Variants in SCN8A observed in about 807,000 individuals in gnomAD.
SCN8A encodes the protein sodium voltage-gated channel alpha subunit 8, also known as sodium channel protein type 8 subunit alpha.
A neutral mutation model predicts 184.1 loss-of-function variants in SCN8A; 30 were observed. The observed-to-expected ratio is 0.16, with a 90% CI of 0.12 to 0.22. The LOEUF is 0.22. Ranked by LOEUF, SCN8A falls within the 10% of genes least tolerant of loss-of-function variation. SCN8A has a pLI of 1.00. For synonymous variants in SCN8A, 852 were observed against 907.0 expected, an observed-to-expected ratio of 0.94 and a Z score of 1.09; for missense variants, 1,057 against 2,498.9, an observed-to-expected ratio of 0.42 and a Z score of 12.30.
In SCN8A at chr12:51,808,063, T is replaced by G. The variant is rs1231304109; in HGVS notation, c.*634T>G. The G allele has an allele frequency of 6.0e-6, 1 of 166,626 alleles. No homozygotes were observed. Among genetic ancestry groups the G allele is most frequent in the Non-Finnish European group, 1.3e-5 (1 of 75,654 alleles). 10.3% of individuals were successfully genotyped at this position (166,626 alleles called of 1,614,324 possible). On this transcript the variant is annotated 3_prime_UTR_variant, in exon 27 of 27. Transcript: ENST00000627620. ...GATTCCAAACATTGTGCTCGTTCAA[T>G]GCGTAGAAATGATTTGCATGATGGC... is the stretch of plus-strand genomic sequence containing the variant.
At chr12:51,609,778 A>G (rs1243008067) in intron 1 of SCN8A, among the ~76,000 whole-genome samples, 1 of 135,362 alleles carries the variant, frequency 7.4e-6, no homozygotes, top group Non-Finnish European at 1.6e-5. Flanking sequence ...GAACACATGG[A>G]CACAGGAAGG....
At chr12:51,715,772 T>C (rs917213082) in intron 11 of SCN8A, among the ~76,000 whole-genome samples, 1 of 152,074 alleles carries the variant, frequency 6.6e-6, no homozygotes, top group Non-Finnish European at 1.5e-5. Context: ...GCACCCAGCA[T>C]TGACCTAAGG....
rs139169496 is a variant in SCN8A at position 51,620,736 on chromosome 12, C to T, written c.-55+29377C>T. Among the ~76,000 whole-genome samples, 1,487 of 151,878 alleles carry T rather than the reference C, an allele frequency of 9.8e-3. 10 individuals are homozygous for T. The highest frequency in any genetic ancestry group is 0.017 in the Middle Eastern group (5 of 294). Reference sequence around the variant, plus strand: ...TGTGTGGTGATTCACGCCTGTAATCCCAGCACTTTGGAGGGCCGAAGCAAG... The same window carrying T: ...TGTGTGGTGATTCACGCCTGTAATCTCAGCACTTTGGAGGGCCGAAGCAAG... On this transcript the variant is annotated intron_variant, in intron 1 of 26. Coordinates refer to ENST00000627620, the MANE Select transcript of SCN8A (RefSeq NM_001330260.2).
At chr12:51,655,285 C>T (rs946211888) in intron 1 of SCN8A, among the ~76,000 whole-genome samples, 8 of 152,116 alleles carry the variant, frequency 5.3e-5, no homozygotes, top group African/African-American at 1.9e-4. Context: ...CATTTCAATA[C>T]TGGTTTTCTT....
intron 12 of SCN8A, chr12:51,723,095 A>G (rs1942095247): frequency 6.6e-6 from 1 of 152,242 alleles, no homozygotes; most frequent in Admixed American, 6.5e-5. Flanking sequence ...AAACTGGACA[A>G]TCATGGATAA....
In SCN8A at chr12:51,706,430, G is replaced by T. The variant is rs779130227; in HGVS notation, c.1350G>T (p.Ala450=). Residue 450 remains alanine, a synonymous_variant, in exon 11 of 27, where the codon GCG becomes GCT. Coordinates refer to ENST00000627620, the MANE Select transcript of SCN8A (RefSeq NM_001330260.2). ...KKQQEEAQAA[A]MATSAGTVSE... ...TGTGGCTTCTTTCCTAGGCTGCTGC[G>T]ATGGCCACTTCAGCAGGAACTGTCT... 1.9e-6 allele frequency: 3 copies of T among 1,584,248 alleles called. No homozygotes were observed. The highest frequency in any genetic ancestry group is 2.6e-6 in the Non-Finnish European group (3 of 1,167,072).
chr12:51,715,809 G>T (rs1399796004), intron 11 of SCN8A, among the ~76,000 whole-genome samples: 1 of 152,130 alleles, frequency 6.6e-6, no homozygotes, highest in Non-Finnish European at 1.5e-5. Flanking sequence ...GTGTAGTTTA[G>T]CTTGCTGTGA....
chr12:51,738,909 G>C (rs370155806), intron 12 of SCN8A, among the ~76,000 whole-genome samples: 11 of 152,244 alleles, frequency 7.2e-5, no homozygotes, highest in African/African-American at 2.6e-4. Context: ...CGGCTGTGGT[G>C]GGGGACAGAC....
intron 2 of SCN8A, among the ~76,000 whole-genome samples, chr12:51,668,938 G>A (rs1941083410): frequency 6.6e-6 from 1 of 152,126 alleles, no homozygotes; most frequent in Admixed American, 6.5e-5. Context: ...GTCACAGAGT[G>A]TACTTACACA....
At chr12:51,643,968 T>C (rs1240707926) in intron 1 of SCN8A, among the ~76,000 whole-genome samples, 1 of 152,220 alleles carries the variant, frequency 6.6e-6, no homozygotes, top group African/African-American at 2.4e-5. Flanking sequence ...GTGTTAAGGG[T>C]CAACTGAATA....
chr12:51,621,787 G>A (rs1467368041), intron 1 of SCN8A, among the ~76,000 whole-genome samples: 1 of 152,204 alleles, frequency 6.6e-6, no homozygotes, highest in Non-Finnish European at 1.5e-5. Context: ...TGAGTTCTGC[G>A]ATGTAGGCAG....
rs1212645228 is a variant in SCN8A, at chr12:51,596,258, TA to T, written c.-55+4902del. Among the ~76,000 whole-genome samples the T allele has an allele frequency of 2.0e-5, 3 of 152,328 alleles. No homozygotes were observed. In the East Asian group the frequency reaches 5.8e-4, roughly 29 times the overall value. On this transcript the variant is annotated intron_variant, in intron 1 of 26. Coordinates refer to ENST00000627620, the MANE Select transcript of SCN8A (RefSeq NM_001330260.2). ...CTCATAGGTGACCTGCCACCTTTGGTAAATGTTACTCTGTGTTTGTCTATTT... is the reference window on the plus strand; with the variant it reads ...CTCATAGGTGACCTGCCACCTTTGGTAATGTTACTCTGTGTTTGTCTATTT...
intron 19 of SCN8A, among the ~76,000 whole-genome samples, chr12:51,773,205 C>T (rs1348875485): frequency 4.6e-5 from 7 of 152,162 alleles, no homozygotes; most frequent in African/African-American, 1.4e-4. Flanking sequence ...CAATTCTATT[C>T]TTCTGGAGCT....
intron 6 of SCN8A, chr12:51,689,391 A>G: frequency 3.2e-6 from 1 of 315,834 alleles, no homozygotes; most frequent in Non-Finnish European, 5.8e-6. Context: ...GTCTCTTTGT[A>G]TATAAATCAT....
At chr12:51,792,246 A>G (rs137912019) in intron 25 of SCN8A, among the ~76,000 whole-genome samples, 1 of 150,604 alleles carries the variant, frequency 6.6e-6, no homozygotes, top group African/African-American at 2.4e-5. Flanking sequence ...CTTGGGATCT[A>G]GAGGCAGGCA....
At chr12:51,625,198 C>T (rs1011782834) in intron 1 of SCN8A, among the ~76,000 whole-genome samples, 2 of 152,206 alleles carry the variant, frequency 1.3e-5, no homozygotes, top group Admixed American at 1.3e-4. Flanking sequence ...CAAACACCTT[C>T]CACTGCAAAC....
intron 21 of SCN8A, among the ~76,000 whole-genome samples, chr12:51,783,463 T>A (rs1320694770): frequency 1.3e-5 from 2 of 152,206 alleles, no homozygotes; most frequent in African/African-American, 4.8e-5. Context: ...ACTCAGAGCT[T>A]CGCTTGAGAG....
intron 1 of SCN8A, among the ~76,000 whole-genome samples, chr12:51,596,551 T>C (rs1939354025): frequency 6.6e-6 from 1 of 152,240 alleles, no homozygotes. Flanking sequence ...TAAGATATTA[T>C]TAGCTTAGGT....
chr12:51,667,851 A>G lies in SCN8A; in HGVS notation c.276+4758A>G, dbSNP rs368770973. On this transcript the variant is annotated intron_variant, in intron 2 of 26. Coordinates refer to ENST00000627620, the MANE Select transcript of SCN8A (RefSeq NM_001330260.2). The stretch of plus-strand genomic sequence containing the variant: ...AAAAATTTAAATTACAAGATTGATC[A>G]ATGTGTTTTTAAATAGGGCACACTC... Among the ~76,000 whole-genome samples, 15 of 152,292 alleles carry G rather than the reference A, an allele frequency of 9.8e-5. No individual in the cohort carries two copies. In the South Asian group the frequency reaches 1.7e-3, roughly 17 times the overall value.
Sources: allele counts gnomAD v4.1 joint callset (sites outside exome capture counted in the v4.1 genomes callset), GRCh38; gene constraint gnomAD v4.1.1; transcripts MANE v1.5; gene names NCBI Gene and HGNC (gene_info 2026-07-23, HGNC 2026-07-21).